The following LRRC4C variants were observed in gnomAD, a reference collection of about 807,000 sequenced individuals.
The protein encoded by LRRC4C is leucine-rich repeat-containing protein 4C.
LRRC4C carries 5 observed loss-of-function variants against 33.6 expected under a neutral mutation model. The observed-to-expected ratio is 0.15, with a 90% CI of 0.08 to 0.31. LRRC4C has a LOEUF of 0.31. Ranked by LOEUF, LRRC4C falls within the 10% of genes least tolerant of loss-of-function variation. The pLI, the probability that LRRC4C is intolerant of heterozygous loss-of-function variation, is 1.00. For missense variants in LRRC4C, 560 were observed against 796.7 expected, an observed-to-expected ratio of 0.70 and a Z score of 3.58; for synonymous variants, 329 against 302.0, an observed-to-expected ratio of 1.09 and a Z score of -0.93.
intron 3 of LRRC4C, among the ~76,000 whole-genome samples, chr11:40,457,396 C>T (rs775078216): frequency 3.3e-4 from 50 of 152,072 alleles, no homozygotes; most frequent in Admixed American, 1.3e-4. Flanking sequence ...AAGAAAATCT[C>T]TCACACTCAA....
chr11:40,237,913 A>T (rs1201410496), intron 5 of LRRC4C, among the ~76,000 whole-genome samples: 1 of 152,178 alleles, frequency 6.6e-6, no homozygotes, highest in East Asian at 1.9e-4. Flanking sequence ...CTGCAAAGTG[A>T]TCTGCAAACA....
chr11:40,780,284 G>A (rs1448621548), intron 2 of LRRC4C, among the ~76,000 whole-genome samples: 1 of 152,072 alleles, frequency 6.6e-6, no homozygotes, highest in Non-Finnish European at 1.5e-5. Context: ...GTCAAAGTTT[G>A]AATGTATTTA....
intron 3 of LRRC4C, among the ~76,000 whole-genome samples, chr11:40,447,684 C>T (rs1565397909): frequency 6.6e-6 from 1 of 152,170 alleles, no homozygotes; most frequent in Non-Finnish European, 1.5e-5. Context: ...GCAAACTCTC[C>T]GTCTCTAAGT....
At chr11:41,204,314 A>G (rs927101142) in intron 1 of LRRC4C, among the ~76,000 whole-genome samples, 1 of 152,226 alleles carries the variant, frequency 6.6e-6, no homozygotes, top group African/African-American at 2.4e-5. Flanking sequence ...GCACCAGCCT[A>G]CTGAAACCAG....
At chr11:40,259,262 GT>G (rs1375615926) in intron 4 of LRRC4C, among the ~76,000 whole-genome samples, 2 of 147,706 alleles carry the variant, frequency 1.4e-5, no homozygotes, top group South Asian at 4.3e-4. Context: ...GGGGTTGTTT[GT>G]TTTTTTCTTG....
chr11:40,974,838 C>T (rs1237869173), intron 1 of LRRC4C, among the ~76,000 whole-genome samples: 3 of 152,200 alleles, frequency 2.0e-5, no homozygotes, highest in African/African-American at 7.2e-5. Context: ...AGCTAGGACA[C>T]TCTACTCCTC....
At chr11:41,312,802 G>A (rs1435875732) in intron 1 of LRRC4C, among the ~76,000 whole-genome samples, 1 of 152,184 alleles carries the variant, frequency 6.6e-6, no homozygotes, top group Admixed American at 6.5e-5. Context: ...AAGGGAAAAC[G>A]CCTGGTTTCC....
intron 1 of LRRC4C, among the ~76,000 whole-genome samples, chr11:41,334,372 A>T (rs1185503957): frequency 2.6e-5 from 4 of 152,294 alleles, no homozygotes; most frequent in Non-Finnish European, 5.9e-5. Context: ...TTTCAGGTTT[A>T]AAACTGAAGC....
intron 1 of LRRC4C, among the ~76,000 whole-genome samples, chr11:41,036,096 C>CA (rs1247380283): frequency 1.4e-4 from 21 of 151,350 alleles, no homozygotes; most frequent in Non-Finnish European, 2.8e-4. Context: ...AACATGGTGA[C>CA]AAAAAATATC....
intron 2 of LRRC4C, among the ~76,000 whole-genome samples, chr11:40,658,135 T>C (rs568614891): frequency 6.6e-6 from 1 of 152,296 alleles, no homozygotes; most frequent in South Asian, 2.1e-4. Context: ...TCAGGACACA[T>C]ATTAACTCTC....
intron 1 of LRRC4C, among the ~76,000 whole-genome samples, chr11:41,053,465 A>G (rs1340732060): frequency 6.6e-6 from 1 of 152,198 alleles, no homozygotes; most frequent in Non-Finnish European, 1.5e-5. Context: ...GATAAAAACC[A>G]AGACGTAACT....
chr11:40,831,663 TC>T (rs1176902585), intron 2 of LRRC4C, among the ~76,000 whole-genome samples: 8 of 152,100 alleles, frequency 5.3e-5, no homozygotes, highest in Admixed American at 5.3e-4. Context: ...TGGACTCAGT[TC>T]TACATGGCTG....
At chr11:40,227,395 C>G (rs1864883869) in intron 5 of LRRC4C, among the ~76,000 whole-genome samples, 1 of 152,208 alleles carries the variant, frequency 6.6e-6, no homozygotes, top group African/African-American at 2.4e-5. Context: ...TCTCTATTCT[C>G]TCTTCCTTTA....
chr11:40,596,932 T>C (rs913283133), intron 3 of LRRC4C, among the ~76,000 whole-genome samples: 4 of 152,204 alleles, frequency 2.6e-5, no homozygotes, highest in Non-Finnish European at 4.4e-5. Flanking sequence ...TGGAATATTA[T>C]TGATACACAA....
intron 1 of LRRC4C, among the ~76,000 whole-genome samples, chr11:40,998,463 C>T (rs1320379000): frequency 6.6e-6 from 1 of 152,040 alleles, no homozygotes; most frequent in Non-Finnish European, 1.5e-5. Flanking sequence ...CCCAACTTGA[C>T]TGCACTTTAT....
At chr11:41,230,345 A>T (rs910825254) in intron 1 of LRRC4C, among the ~76,000 whole-genome samples, 7 of 152,084 alleles carry the variant, frequency 4.6e-5, no homozygotes, top group African/African-American at 1.7e-4. Flanking sequence ...AGGCACTGTC[A>T]TCTTTCTGGA....
chr11:40,782,814 GTCTC>G (rs1014956385), intron 2 of LRRC4C, among the ~76,000 whole-genome samples: 9 of 151,836 alleles, frequency 5.9e-5, no homozygotes, highest in Non-Finnish European at 1.2e-4. Flanking sequence ...TTCTGTCACT[GTCTC>G]TCTCTGTCTA....
At chr11:41,239,661 T>C (rs552480713) in intron 1 of LRRC4C, among the ~76,000 whole-genome samples, 11 of 152,290 alleles carry the variant, frequency 7.2e-5, no homozygotes, top group Non-Finnish European at 1.5e-5. Flanking sequence ...TCTGTCATAT[T>C]TTTTCTCTTT....
intron 3 of LRRC4C, among the ~76,000 whole-genome samples, chr11:40,569,016 T>C (rs1167594571): frequency 6.6e-6 from 1 of 152,180 alleles, no homozygotes; most frequent in Non-Finnish European, 1.5e-5. Context: ...TACTTACTGT[T>C]CTTTGTTTTC....
Sources: gnomAD v4.1 joint callset for allele counts (sites outside exome capture counted in the v4.1 genomes callset) on GRCh38, gnomAD v4.1.1 for gene constraint, MANE v1.5 for transcripts, NCBI Gene and HGNC (gene_info 2026-07-23, HGNC 2026-07-21) for gene names.